SLC1A3: variants seen among roughly 807,000 people sequenced by gnomAD.
SLC1A3 encodes the protein solute carrier family 1 member 3.
Under a neutral mutation model 48.1 loss-of-function variants are expected in SLC1A3, and 21 were observed. That is an observed-to-expected ratio of 0.44 (90% confidence interval 0.31 to 0.63). The LOEUF is 0.63. Ranked by LOEUF, SLC1A3 falls within the 20% of genes least tolerant of loss-of-function variation. The pLI, the probability that SLC1A3 is intolerant of heterozygous loss-of-function variation, is 0.08. For missense variants in SLC1A3, 546 were observed against 689.0 expected (o/e 0.79, Z 2.32); for synonymous variants, 239 against 251.4 (o/e 0.95, Z 0.47).
intron 3 of SLC1A3, among the ~76,000 whole-genome samples, chr5:36,652,327 C>T (rs200313300): frequency 4.3e-5 from 2 of 46,334 alleles, no homozygotes; most frequent in Non-Finnish European, 1.2e-4. Context: ...CACACACATA[C>T]ACACACACAC....
chr5:36,652,758 C>T (rs1741134712), intron 3 of SLC1A3, among the ~76,000 whole-genome samples: 1 of 152,264 alleles, frequency 6.6e-6, no homozygotes, highest in Non-Finnish European at 1.5e-5. Context: ...AAATGCACAG[C>T]GGAAGAAAAT....
At chr5:36,597,772 C>T (rs1738762468) in intron 1 of SLC1A3, among the ~76,000 whole-genome samples, 1 of 152,084 alleles carries the variant, frequency 6.6e-6, no homozygotes, top group Non-Finnish European at 1.5e-5. Context: ...CACGCCTCTC[C>T]CTAGCTACTC....
chr5:36,615,169 A>G (rs914230407), intron 2 of SLC1A3, among the ~76,000 whole-genome samples: 1 of 152,170 alleles, frequency 6.6e-6, no homozygotes, highest in South Asian at 2.1e-4. Flanking sequence ...AAGCATTGAG[A>G]GTCTAAAGAT....
intron 9 of SLC1A3, among the ~76,000 whole-genome samples, 159 bp downstream of exon 9, chr5:36,684,157 A>G (rs992197619): frequency 3.9e-5 from 6 of 152,208 alleles, no homozygotes; most frequent in Admixed American, 2.6e-4. Flanking sequence ...CCTGGTCCTT[A>G]TCTGGAGACC....
chr5:36,679,531 C>A (rs904096923), intron 6 of SLC1A3, 96 bp from the exon 7 acceptor site: 4 of 888,390 alleles, frequency 4.5e-6, no homozygotes, highest in East Asian at 2.4e-5. Flanking sequence ...GTTTGGCAGT[C>A]AACTCTCTTT....
chr5:36,609,078 G>A (rs1351936061), intron 2 of SLC1A3: 1 of 988,588 alleles, frequency 1.0e-6, no homozygotes, highest in Non-Finnish European at 1.2e-6. Context: ...TAGGCACAGA[G>A]ACCGAATATT....
intron 1 of SLC1A3, among the ~76,000 whole-genome samples, chr5:36,597,958 CAT>C (rs1738764123): frequency 6.6e-6 from 1 of 152,136 alleles, no homozygotes; most frequent in Non-Finnish European, 1.5e-5. Context: ...TTTCATTGCT[CAT>C]GTTTTCCCTA....
intron 3 of SLC1A3, among the ~76,000 whole-genome samples, chr5:36,635,365 G>A (rs767955630): frequency 5.3e-5 from 8 of 152,198 alleles, no homozygotes; most frequent in Non-Finnish European, 1.0e-4. Context: ...TCTTCTGGCG[G>A]TTCCCATTGT....
At chr5:36,652,790 C>T (rs552999803) in intron 3 of SLC1A3, among the ~76,000 whole-genome samples, 1 of 152,140 alleles carries the variant, frequency 6.6e-6, no homozygotes, top group South Asian at 2.1e-4. Flanking sequence ...CAATTCTTAG[C>T]GACATTACAT....
intron 4 of SLC1A3, 75 bp downstream of exon 4, chr5:36,671,308 C>T: frequency 1.9e-6 from 2 of 1,052,344 alleles, no homozygotes; most frequent in Non-Finnish European, 2.9e-6. Flanking sequence ...TATTCAAACC[C>T]TGGAAGGGGT....
At chr5:36,646,494 A>G (rs1055961550) in intron 3 of SLC1A3, among the ~76,000 whole-genome samples, 4 of 152,226 alleles carry the variant, frequency 2.6e-5, no homozygotes, top group African/African-American at 4.8e-5. Flanking sequence ...GGACAAAACC[A>G]CATTCAGGTC....
At chr5:36,651,040 G>A (rs1391053928) in intron 3 of SLC1A3, among the ~76,000 whole-genome samples, 2 of 150,730 alleles carry the variant, frequency 1.3e-5, no homozygotes, top group Non-Finnish European at 2.9e-5. Flanking sequence ...GATGGTGAGT[G>A]CATGCAGAAC....
chr5:36,656,372 C>T (rs1741285733), intron 3 of SLC1A3, among the ~76,000 whole-genome samples: 1 of 152,168 alleles, frequency 6.6e-6, no homozygotes, highest in Admixed American at 6.5e-5. Context: ...CATGTAACCC[C>T]TGATGTGGTA....
At chr5:36,667,448 G>A (rs1475804701) in intron 3 of SLC1A3, among the ~76,000 whole-genome samples, 1 of 152,162 alleles carries the variant, frequency 6.6e-6, no homozygotes, top group Non-Finnish European at 1.5e-5. Context: ...TGAAACATGG[G>A]TGACTCCTGG....
intron 3 of SLC1A3, among the ~76,000 whole-genome samples, chr5:36,659,473 G>A (rs181187585): frequency 8.5e-5 from 13 of 152,256 alleles, no homozygotes; most frequent in Admixed American, 8.5e-4. Flanking sequence ...TATTATTAAG[G>A]CATCACGTAT....
chr5:36,648,327 G>C (rs766699094), intron 3 of SLC1A3, among the ~76,000 whole-genome samples: 14 of 152,128 alleles, frequency 9.2e-5, no homozygotes, highest in Non-Finnish European at 1.9e-4. Flanking sequence ...TTTGAGATTT[G>C]TGTCAAGAAA....
At chr5:36,637,743 G>C (rs1490739231) in intron 3 of SLC1A3, among the ~76,000 whole-genome samples, 2 of 152,136 alleles carry the variant, frequency 1.3e-5, no homozygotes, top group African/African-American at 4.8e-5. Context: ...TGGGGTTGGA[G>C]GTGGGGAATA....
intron 2 of SLC1A3, among the ~76,000 whole-genome samples, chr5:36,625,573 A>C (rs1010490120): frequency 2.0e-5 from 3 of 152,222 alleles, no homozygotes; most frequent in Admixed American, 6.5e-5. Context: ...CCCCTTTCCC[A>C]GTGTAATCTC....
chr5:36,675,869 G>C (rs760417875), intron 5 of SLC1A3, among the ~76,000 whole-genome samples: 1 of 152,154 alleles, frequency 6.6e-6, no homozygotes, highest in Non-Finnish European at 1.5e-5. Context: ...AAATGACCAA[G>C]CACTTCATAT....
Sources: gnomAD v4.1 joint callset for allele counts (sites outside exome capture counted in the v4.1 genomes callset) on GRCh38, gnomAD v4.1.1 for gene constraint, MANE v1.5 for transcripts, NCBI Gene and HGNC (gene_info 2026-07-23, HGNC 2026-07-21) for gene names.